Variants in ERC2 observed in about 807,000 individuals in gnomAD.
ERC2 encodes the protein ELKS/RAB6-interacting/CAST family member 2, also known as ERC protein 2.
In ERC2, 42 loss-of-function variants were observed where a neutral mutation model predicts 114.8. That is an observed-to-expected ratio of 0.37 (90% CI 0.29 to 0.47). ERC2 has a LOEUF of 0.47. Among genes scored for constraint, ERC2 ranks in the 20% least tolerant of loss-of-function variants. The pLI is 0.99. For synonymous variants in ERC2, 454 were observed against 425.5 expected (o/e 1.07, Z -0.82); for missense variants, 939 against 1,150.7 (o/e 0.82, Z 2.66).
At chr3:55,827,072 C>T (rs1490038002) in intron 14 of ERC2, among the ~76,000 whole-genome samples, 1 of 152,212 alleles carries the variant, frequency 6.6e-6, no homozygotes, top group Non-Finnish European at 1.5e-5. Context: ...AAGGAAGTAA[C>T]ACGGTCTAAT....
At chr3:56,353,530 T>A (rs1379606873) in intron 2 of ERC2, among the ~76,000 whole-genome samples, 1 of 151,418 alleles carries the variant, frequency 6.6e-6, no homozygotes, top group Non-Finnish European at 1.5e-5. Context: ...CTGGAAACCA[T>A]CATTCTAAGC....
At chr3:56,322,112 A>G (rs1049961664) in intron 2 of ERC2, among the ~76,000 whole-genome samples, 1 of 152,194 alleles carries the variant, frequency 6.6e-6, no homozygotes, top group African/African-American at 2.4e-5. Context: ...CAGTTTCCTC[A>G]TTTGTAAAAT....
At chr3:56,436,056 G>A (rs2062004435) in intron 1 of ERC2, among the ~76,000 whole-genome samples, 2 of 152,218 alleles carry the variant, frequency 1.3e-5, no homozygotes, top group Non-Finnish European at 2.9e-5. Context: ...AGCATTGTGA[G>A]TATCCCTTCA....
chr3:55,582,397 C>T (rs970209183), intron 17 of ERC2, among the ~76,000 whole-genome samples: 2 of 152,176 alleles, frequency 1.3e-5, no homozygotes, highest in African/African-American at 2.4e-5. Flanking sequence ...TTCTGGACAC[C>T]GACCTGCTCT....
chr3:56,412,705 C>T (rs1298424273), intron 2 of ERC2, among the ~76,000 whole-genome samples: 1 of 152,178 alleles, frequency 6.6e-6, no homozygotes, highest in African/African-American at 2.4e-5. Flanking sequence ...TCAAATTTCT[C>T]ATCTGTAAAA....
At chr3:55,694,210 T>C (rs1210264410) in intron 16 of ERC2, among the ~76,000 whole-genome samples, 6 of 152,162 alleles carry the variant, frequency 3.9e-5, no homozygotes, top group Admixed American at 6.5e-5. Context: ...CAGGATTTCA[T>C]CTGGGGCCTG....
At chr3:55,626,420 A>C (rs2059526790) in intron 17 of ERC2, among the ~76,000 whole-genome samples, 1 of 152,194 alleles carries the variant, frequency 6.6e-6, no homozygotes. Flanking sequence ...AAGTCCGCTA[A>C]AGCATATTTG....
At chr3:55,840,558 G>T (rs560930900) in intron 14 of ERC2, among the ~76,000 whole-genome samples, 1 of 152,016 alleles carries the variant, frequency 6.6e-6, no homozygotes, top group Admixed American at 6.5e-5. Context: ...CAACTACTTT[G>T]GAAAACAGTC....
intron 17 of ERC2, among the ~76,000 whole-genome samples, chr3:55,549,615 C>T (rs1400078119): frequency 1.3e-5 from 2 of 150,336 alleles, no homozygotes; most frequent in African/African-American, 2.4e-5. Flanking sequence ...GATGAGGAAA[C>T]GGAGGCTCAG....
intron 17 of ERC2, among the ~76,000 whole-genome samples, chr3:55,635,441 A>T (rs2059921328): frequency 6.6e-6 from 1 of 151,294 alleles, no homozygotes. Context: ...CCCAGGCTGG[A>T]GTGCAGTGGC....
intron 2 of ERC2, among the ~76,000 whole-genome samples, chr3:56,301,815 T>C (rs368649760): frequency 6.6e-6 from 1 of 152,192 alleles, no homozygotes; most frequent in South Asian, 2.1e-4. Flanking sequence ...TGATAAACTT[T>C]CTGTGCCTCG....
chr3:55,713,566 G>C lies in ERC2; in HGVS notation c.2713-14054C>G, dbSNP rs1015697690. On this transcript the variant is annotated intron_variant, in intron 15 of 17. Coordinates refer to ENST00000288221, the MANE Select transcript of ERC2 (RefSeq NM_015576.3). ...TATACTGACTAAATTTGGGTCTATAGTTTCATCTCGCTGAGATGTTTCTCA... is the reference window on the plus strand; with the variant it reads ...TATACTGACTAAATTTGGGTCTATACTTTCATCTCGCTGAGATGTTTCTCA... Among the ~76,000 whole-genome samples, 6 of 152,274 alleles carry C rather than the reference G, an allele frequency of 3.9e-5. No homozygotes were observed. In the East Asian group the frequency reaches 9.7e-4, roughly 25 times the overall value.
At chr3:56,214,837 T>C (rs1560391325) in intron 3 of ERC2, among the ~76,000 whole-genome samples, 5 of 152,128 alleles carry the variant, frequency 3.3e-5, no homozygotes, top group African/African-American at 1.2e-4. Context: ...GGGGCCAATA[T>C]TCAACATTCT....
At chr3:56,394,453 T>A (rs2060233969) in intron 2 of ERC2, among the ~76,000 whole-genome samples, 1 of 152,152 alleles carries the variant, frequency 6.6e-6, no homozygotes. Flanking sequence ...CTTTTTAACT[T>A]TCTCCAAGCT....
chr3:55,570,071 G>T (rs1402709283), intron 17 of ERC2, among the ~76,000 whole-genome samples: 1 of 152,076 alleles, frequency 6.6e-6, no homozygotes, highest in East Asian at 1.9e-4. Flanking sequence ...TGTTGGCCAG[G>T]CTGGTCTTGA....
At chr3:55,853,247 C>G (rs1222667263) in intron 14 of ERC2, among the ~76,000 whole-genome samples, 1 of 152,152 alleles carries the variant, frequency 6.6e-6, no homozygotes, top group Non-Finnish European at 1.5e-5. Context: ...ACTCAGGAGG[C>G]TGGGTGTGGT....
chr3:56,045,356 T>C (rs2075403046), intron 7 of ERC2, among the ~76,000 whole-genome samples: 1 of 152,184 alleles, frequency 6.6e-6, no homozygotes, highest in African/African-American at 2.4e-5. Context: ...AATTTACTAA[T>C]TTAGCATGTT....
intron 14 of ERC2, among the ~76,000 whole-genome samples, chr3:55,859,658 G>C (rs1311410036): frequency 6.6e-6 from 1 of 151,784 alleles, no homozygotes; most frequent in African/African-American, 2.4e-5. Context: ...AGGTATGTGT[G>C]CCTTTGCCCA....
At chr3:55,616,825 C>T (rs73830686) in intron 17 of ERC2, among the ~76,000 whole-genome samples, 2,386 of 152,082 alleles carry the variant, frequency 0.016, 72 homozygotes, top group African/African-American at 0.055. Flanking sequence ...GCCTGACCCC[C>T]GAGCCCAGCA....
Sources: allele counts gnomAD v4.1 joint callset (sites outside exome capture counted in the v4.1 genomes callset), GRCh38; gene constraint gnomAD v4.1.1; transcripts MANE v1.5; gene names NCBI Gene and HGNC (gene_info 2026-07-23, HGNC 2026-07-21).